LRRTM4: variants seen among roughly 807,000 people sequenced by gnomAD.
LRRTM4 encodes leucine-rich repeat transmembrane neuronal protein 4.
In LRRTM4, 25 loss-of-function variants were observed where a neutral mutation model predicts 47.6. The ratio of observed to expected loss-of-function variants is 0.53; its 90% CI spans 0.38 to 0.73. The LOEUF is 0.73. Among genes scored for constraint, LRRTM4 ranks in the 30% least tolerant of loss-of-function variants. The probability of loss-of-function intolerance (pLI) is 0.00; values close to 1 mark genes in which losing one functional copy is unlikely to be tolerated. For synonymous variants in LRRTM4, 311 were observed against 269.5 expected (o/e 1.15, Z -1.51); for missense variants, 638 against 713.4 (o/e 0.89, Z 1.20).
chr2:77,184,819 C>A (rs1402293857), intron 3 of LRRTM4, among the ~76,000 whole-genome samples: 1 of 152,022 alleles, frequency 6.6e-6, no homozygotes, highest in African/African-American at 2.4e-5. Context: ...AAACTAAAAA[C>A]CAGAAAGATA....
chr2:77,334,158 T>C (rs1222800050), intron 3 of LRRTM4, among the ~76,000 whole-genome samples: 1 of 152,194 alleles, frequency 6.6e-6, no homozygotes, highest in African/African-American at 2.4e-5. Context: ...TTGCTTTTGA[T>C]ATTACAGACT....
intron 3 of LRRTM4, among the ~76,000 whole-genome samples, chr2:76,828,418 CAG>C (rs1340190797): frequency 6.6e-5 from 10 of 151,936 alleles, no homozygotes; most frequent in African/African-American, 2.4e-4. Flanking sequence ...CAAAGAGACT[CAG>C]TGCTAATTCT....
At chr2:76,796,963 T>C (rs1322669117) in intron 3 of LRRTM4, among the ~76,000 whole-genome samples, 1 of 152,068 alleles carries the variant, frequency 6.6e-6, no homozygotes, top group Non-Finnish European at 1.5e-5. Flanking sequence ...TATGGGACTA[T>C]GTGAAAAGAC....
At chr2:77,341,346 G>A (rs955858781) in intron 3 of LRRTM4, among the ~76,000 whole-genome samples, 1 of 151,660 alleles carries the variant, frequency 6.6e-6, no homozygotes. Flanking sequence ...TTATGTTTTG[G>A]CTTTGTCTGG....
At chr2:77,342,297 G>T (rs1336401575) in intron 3 of LRRTM4, among the ~76,000 whole-genome samples, 1 of 151,926 alleles carries the variant, frequency 6.6e-6, no homozygotes, top group Non-Finnish European at 1.5e-5. Flanking sequence ...AATGGCTGGA[G>T]ATATTTTGGG....
At chr2:77,021,603 A>T (rs1296546203) in intron 3 of LRRTM4, among the ~76,000 whole-genome samples, 2 of 152,198 alleles carry the variant, frequency 1.3e-5, no homozygotes, top group Non-Finnish European at 2.9e-5. Context: ...AAGACCACAT[A>T]GAGAAAGATC....
At chr2:77,189,351 C>G (rs988017882) in intron 3 of LRRTM4, among the ~76,000 whole-genome samples, 2 of 152,028 alleles carry the variant, frequency 1.3e-5, no homozygotes, top group Non-Finnish European at 2.9e-5. Context: ...GCTTTTGTGC[C>G]TTTTTCATTT....
chr2:76,979,924 C>G (rs538880739), intron 3 of LRRTM4, among the ~76,000 whole-genome samples: 16 of 151,946 alleles, frequency 1.1e-4, no homozygotes, highest in African/African-American at 3.9e-4. Flanking sequence ...ACTCTCTGAT[C>G]CAAATTACCC....
At chr2:76,820,037 T>C (rs1187986627) in intron 3 of LRRTM4, among the ~76,000 whole-genome samples, 4 of 152,054 alleles carry the variant, frequency 2.6e-5, no homozygotes, top group Admixed American at 1.3e-4. Flanking sequence ...CACCCCCAGT[T>C]CTCTTTTCCT....
At chr2:76,916,384 C>CATAAAAA (rs1674247487) in intron 3 of LRRTM4, among the ~76,000 whole-genome samples, 1 of 53,500 alleles carries the variant, frequency 1.9e-5, no homozygotes, top group Non-Finnish European at 3.5e-5. Context: ...GACTGTGTCT[C>CATAAAAA]AAAAAAAAAA....
chr2:76,999,143 C>G (rs894294622), intron 3 of LRRTM4, among the ~76,000 whole-genome samples: 1 of 151,800 alleles, frequency 6.6e-6, no homozygotes, highest in Non-Finnish European at 1.5e-5. Context: ...TTTGTTTAAG[C>G]AGCACTGAAA....
At position 77,453,349 on chromosome 2, in the gene LRRTM4, T is replaced by C. The variant is rs532797608; in HGVS notation, c.1551+64969A>G. Among the ~76,000 whole-genome samples the C allele has an allele frequency of 1.4e-4, 22 of 151,870 alleles. 1 individual carries two copies. The South Asian group carries it at 3.7e-3, about 26-fold the overall frequency. On this transcript the variant is annotated intron_variant, in intron 3 of 3. Coordinates refer to ENST00000409884, the MANE Select transcript of LRRTM4 (RefSeq NM_001134745.3). ...GGCGCCCACCACCACGCCTGGCTAA[T>C]TTTTTGTATTTTTAGTAGAGACGGG...
chr2:76,772,176 C>A (rs1230177302), intron 3 of LRRTM4, among the ~76,000 whole-genome samples: 3 of 151,950 alleles, frequency 2.0e-5, no homozygotes, highest in Non-Finnish European at 2.9e-5. Flanking sequence ...TCAAAGAAAC[C>A]CGGAGAGCTC....
intron 3 of LRRTM4, among the ~76,000 whole-genome samples, chr2:77,146,050 C>T (rs747456441): frequency 2.0e-5 from 3 of 152,030 alleles, no homozygotes; most frequent in Non-Finnish European, 2.9e-5. Flanking sequence ...TCTTAAAATC[C>T]ATATTCAGAC....
chr2:77,246,225 G>C (rs1279535174), intron 3 of LRRTM4, among the ~76,000 whole-genome samples: 1 of 152,114 alleles, frequency 6.6e-6, no homozygotes, highest in Non-Finnish European at 1.5e-5. Context: ...GCATTTAGGA[G>C]ATAGCTCCAT....
chr2:77,447,540 T>C (rs998735447), intron 3 of LRRTM4, among the ~76,000 whole-genome samples: 1 of 152,168 alleles, frequency 6.6e-6, no homozygotes, highest in African/African-American at 2.4e-5. Flanking sequence ...ACCCTCCTTC[T>C]GTCACTTTAT....
In LRRTM4 at chr2:77,235,186, T is replaced by A. The variant is rs115786012; in HGVS notation, c.1551+283132A>T. On this transcript the variant is annotated intron_variant, in intron 3 of 3. Coordinates refer to ENST00000409884, the MANE Select transcript of LRRTM4 (RefSeq NM_001134745.3). ...TTTGCTATTGTGAATAGTGCCACAA[T>A]GAGCATGTGAGGCCAGCATCTGTTG... is the stretch of plus-strand genomic sequence containing the variant. 2.0e-3 allele frequency among the ~76,000 whole-genome samples: 298 copies of A among 152,212 alleles called. 2 individuals are homozygous for A. The highest frequency in any genetic ancestry group is 3.4e-3 in the Middle Eastern group (1 of 294).
chr2:77,143,453 C>T (rs72911866), intron 3 of LRRTM4, among the ~76,000 whole-genome samples: 8,776 of 152,182 alleles, frequency 0.058, 818 homozygotes, highest in African/African-American at 0.19. Flanking sequence ...CAGTGCTCCA[C>T]TTTACTTTCT....
Position 77,356,081 on chromosome 2 carries a change from G to A in LRRTM4, c.1551+162237C>T, listed in dbSNP as rs145104592. 2.9e-3 allele frequency among the ~76,000 whole-genome samples: 437 copies of A among 152,302 alleles called. 2 individuals are homozygous for A. Among genetic ancestry groups the A allele is most frequent in the African/African-American group, 0.01 (418 of 41,574 alleles). On this transcript the variant is annotated intron_variant, in intron 3 of 3. Coordinates refer to ENST00000409884, the MANE Select transcript of LRRTM4 (RefSeq NM_001134745.3). ...TACACTCCTGCCTAGGCAACAAAGCGAGACCCTGTCTCAAAACAATGACAA... is the reference window on the plus strand; with the variant it reads ...TACACTCCTGCCTAGGCAACAAAGCAAGACCCTGTCTCAAAACAATGACAA...
Sources: allele counts gnomAD v4.1 joint callset (sites outside exome capture counted in the v4.1 genomes callset), GRCh38; gene constraint gnomAD v4.1.1; transcripts MANE v1.5; gene names NCBI Gene and HGNC (gene_info 2026-07-23, HGNC 2026-07-21).